SHROOM2: variants seen among roughly 807,000 people sequenced by gnomAD.
SHROOM2 encodes the protein shroom family member 2.
In SHROOM2, 33 loss-of-function variants were observed where a neutral mutation model predicts 75.9. The ratio of observed to expected loss-of-function variants is 0.43; its 90% CI spans 0.33 to 0.58. The LOEUF is 0.58. Among genes scored for constraint, SHROOM2 ranks in the 20% least tolerant of loss-of-function variants. The pLI is 0.04. For synonymous variants in SHROOM2, 655 were observed against 663.6 expected (o/e 0.99, Z 0.20); for missense variants, 1,434 against 1,461.2 (o/e 0.98, Z 0.30).
At chrX:9,814,068 G>A (rs2083805922) in intron 1 of SHROOM2, among the ~76,000 whole-genome samples, 1 of 111,686 alleles carries the variant, frequency 9.0e-6, no homozygotes, top group East Asian at 2.8e-4. Context: ...TTGGTTAAGG[G>A]TATGTCTTCT....
Position 9,895,253 on chromosome X carries a change from G to A in SHROOM2, c.1345G>A (p.Ala449Thr). The A allele has an allele frequency of 3.4e-6, 4 of 1,188,672 alleles. No individual in the cohort carries two copies. The highest frequency in any genetic ancestry group is 1.7e-5 in the African/African-American group (1 of 57,241). ...CADSLGQEPG[A>T]ASFQNDSPPQ... is the part of the protein sequence containing the mutation. ...TGACAGCCTTGGGCAGGAGCCAGGG[G>A]CTGCCAGCTTCCAGAACGACAGCCC... The change falls in exon 4 of 10, where the codon GCT becomes ACT. Residue 449 changes from alanine to threonine, a missense_variant. Physicochemically the swap from Ala to Thr is moderately conservative, Grantham distance 58 (BLOSUM62 0). Transcript: ENST00000380913.
intron 1 of SHROOM2, among the ~76,000 whole-genome samples, chrX:9,864,796 G>A (rs1430819922): frequency 9.3e-6 from 1 of 107,839 alleles, no homozygotes; most frequent in African/African-American, 3.3e-5. Flanking sequence ...CTGCACTCCA[G>A]CCTGGGCGAC....
At chrX:9,795,874 C>T (rs1215444590) in intron 1 of SHROOM2, among the ~76,000 whole-genome samples, 1 of 110,217 alleles carries the variant, frequency 9.1e-6, no homozygotes, top group Non-Finnish European at 1.9e-5. Context: ...CTCAGCTGGG[C>T]GAGGGTGATC....
chrX:9,848,126 C>T (rs2084016124), intron 1 of SHROOM2, among the ~76,000 whole-genome samples: 1 of 112,194 alleles, frequency 8.9e-6, no homozygotes, highest in Non-Finnish European at 1.9e-5. Flanking sequence ...ACAGATTCCC[C>T]ACTGTATACT....
At chrX:9,840,453 G>GAGA (rs1198932986) in intron 1 of SHROOM2, among the ~76,000 whole-genome samples, 5 of 110,885 alleles carry the variant, frequency 4.5e-5, no homozygotes, top group Admixed American at 2.9e-4. Flanking sequence ...TTTTGTTGTC[G>GAGA]AGACGGAGTT....
At chrX:9,920,383 C>T (rs1025129536) in intron 5 of SHROOM2, among the ~76,000 whole-genome samples, 4 of 112,418 alleles carry the variant, frequency 3.6e-5, no homozygotes. Context: ...AATTCACATA[C>T]ACATTTGTGG....
chrX:9,914,603 G>C lies in SHROOM2; in HGVS notation c.2891+16313G>C, dbSNP rs942389338. 2.7e-5 allele frequency among the ~76,000 whole-genome samples: 3 copies of C among 111,114 alleles called. No homozygotes were observed. The East Asian group carries it at 8.5e-4, about 32-fold the overall frequency. ...GGCTTGTAGACATCCTTGGATGTCT[G>C]AAGAGGTCCTAGAGTTATTTACTTA... On this transcript the variant is annotated intron_variant, in intron 5 of 9. Coordinates refer to ENST00000380913, the MANE Select transcript of SHROOM2 (RefSeq NM_001649.4).
intron 1 of SHROOM2, among the ~76,000 whole-genome samples, chrX:9,799,816 C>G (rs1198780704): frequency 9.0e-6 from 1 of 110,848 alleles, no homozygotes; most frequent in African/African-American, 3.3e-5. Context: ...TGTGCAGCCT[C>G]AACTTCTCTT....
At chrX:9,859,572 C>T (rs900373005) in intron 1 of SHROOM2, among the ~76,000 whole-genome samples, 1 of 111,281 alleles carries the variant, frequency 9.0e-6, no homozygotes, top group African/African-American at 3.3e-5. Flanking sequence ...AGATGGCGTC[C>T]TGAGGGCTGA....
At chrX:9,926,977 T>C (rs143250967) in intron 5 of SHROOM2, among the ~76,000 whole-genome samples, 34 of 111,106 alleles carry the variant, frequency 3.1e-4, no homozygotes, top group Admixed American at 2.3e-3. Flanking sequence ...CTGGAGTTCA[T>C]CGCGGGCAGC....
At chrX:9,864,824 C>CAAAAAAAA (rs61611534) in intron 1 of SHROOM2, among the ~76,000 whole-genome samples, 9 of 95,885 alleles carry the variant, frequency 9.4e-5, no homozygotes, top group South Asian at 1.0e-3. Flanking sequence ...GACTCCGTCT[C>CAAAAAAAA]AAAAAATAAA....
rs942137182 is a variant in SHROOM2 at position 9,924,296 on chromosome X, C to T, written c.2892-7879C>T. ...GACTGAAAGCTGGGCATGCAAAGGACAACCAAACAGCCTCTAGCCTGCTGA... is the reference window on the plus strand; with the variant it reads ...GACTGAAAGCTGGGCATGCAAAGGATAACCAAACAGCCTCTAGCCTGCTGA... On this transcript the variant is annotated intron_variant, in intron 5 of 9. Coordinates refer to ENST00000380913, the MANE Select transcript of SHROOM2 (RefSeq NM_001649.4). 3.6e-5 allele frequency among the ~76,000 whole-genome samples: 4 copies of T among 112,540 alleles called. No homozygotes were observed. In the Admixed American group the frequency reaches 3.8e-4, roughly 11 times the overall value.
chrX:9,823,756 C>CTTTTTTTTTTTTTTT (rs1293537759), intron 1 of SHROOM2, among the ~76,000 whole-genome samples: 25 of 85,903 alleles, frequency 2.9e-4, no homozygotes, highest in Non-Finnish European at 4.5e-4. Flanking sequence ...TTTCTTTTTT[C>CTTTTTTTTTTTTTTT]TTTTTTCTTT....
At chrX:9,859,819 C>T (rs975299920) in intron 1 of SHROOM2, among the ~76,000 whole-genome samples, 3 of 111,162 alleles carry the variant, frequency 2.7e-5, no homozygotes, top group Admixed American at 9.6e-5. Flanking sequence ...CAGTGCCTCC[C>T]TCCCTCCCCC....
intron 1 of SHROOM2, among the ~76,000 whole-genome samples, chrX:9,847,344 T>G (rs1365708808): frequency 8.9e-6 from 1 of 112,668 alleles, no homozygotes; most frequent in Non-Finnish European, 1.9e-5. Flanking sequence ...AACAGTCTTT[T>G]GCAATGACTA....
chrX:9,799,262 G>C (rs1478828468), intron 1 of SHROOM2, among the ~76,000 whole-genome samples: 1 of 93,432 alleles, frequency 1.1e-5, no homozygotes. Context: ...TTGCCTCCCC[G>C]GTTCAAGCAA....
intron 6 of SHROOM2, 77 bp downstream of exon 6, chrX:9,932,947 G>A (rs1188535890): frequency 3.4e-6 from 3 of 873,508 alleles, no homozygotes; most frequent in Non-Finnish European, 4.7e-6. Flanking sequence ...TCTTTCTGGG[G>A]AGTCACCTGG....
intron 9 of SHROOM2, among the ~76,000 whole-genome samples, chrX:9,945,353 C>T (rs1361824224): frequency 2.7e-5 from 3 of 110,632 alleles, no homozygotes; most frequent in Non-Finnish European, 3.8e-5. Flanking sequence ...TCAAGTGATC[C>T]GCCTACCTCA....
chrX:9,824,089 G>A (rs962678043), intron 1 of SHROOM2, among the ~76,000 whole-genome samples: 3 of 110,440 alleles, frequency 2.7e-5, no homozygotes, highest in African/African-American at 9.9e-5. Context: ...AATGAGGCTC[G>A]TTTACATTCC....
Sources: allele counts gnomAD v4.1 joint callset (sites outside exome capture counted in the v4.1 genomes callset), GRCh38; gene constraint gnomAD v4.1.1; transcripts MANE v1.5; gene names NCBI Gene and HGNC (gene_info 2026-07-23, HGNC 2026-07-21).